ABHD18: variants seen among roughly 807,000 people sequenced by gnomAD.
ABHD18 encodes the protein abhydrolase domain containing 18.
A neutral mutation model predicts 65.9 loss-of-function variants in ABHD18; 55 were observed. The ratio of observed to expected loss-of-function variants is 0.84; its 90% CI spans 0.67 to 1.05. The LOEUF (loss-of-function observed/expected upper bound fraction) is 1.05, where lower values mean the gene tolerates loss of function less well. Among genes scored for constraint, ABHD18 ranks in the 50% least tolerant of loss-of-function variants. The pLI is 0.00. For synonymous variants in ABHD18, 181 were observed against 180.2 expected (o/e 1.00, Z -0.04); for missense variants, 533 against 558.5 (o/e 0.95, Z 0.46).
At chr4:128,030,274 C>T (rs188659510) in intron 11 of ABHD18, among the ~76,000 whole-genome samples, 2 of 152,360 alleles carry the variant, frequency 1.3e-5, no homozygotes, top group East Asian at 3.8e-4. Flanking sequence ...TATACACCTA[C>T]TGTGTACCCA....
chr4:127,976,825 A>G (rs1226769516), intron 1 of ABHD18, among the ~76,000 whole-genome samples: 1 of 152,062 alleles, frequency 6.6e-6, no homozygotes, highest in African/African-American at 2.4e-5. Context: ...GCGGATCACA[A>G]GGTCAGGAGA....
At chr4:128,018,257 G>A (rs1482369969) in intron 8 of ABHD18, among the ~76,000 whole-genome samples, 1 of 152,114 alleles carries the variant, frequency 6.6e-6, no homozygotes, top group Non-Finnish European at 1.5e-5. Context: ...TTGAGGGCCA[G>A]GAATATGCTC....
intron 10 of ABHD18, among the ~76,000 whole-genome samples, chr4:128,024,946 C>T (rs941551245): frequency 2.0e-5 from 3 of 152,090 alleles, no homozygotes; most frequent in South Asian, 2.1e-4. Flanking sequence ...CCCACCTCGG[C>T]CTTCCAAAGT....
intron 10 of ABHD18, among the ~76,000 whole-genome samples, chr4:128,026,011 G>A (rs747922517): frequency 4.6e-5 from 7 of 152,036 alleles, no homozygotes; most frequent in Admixed American, 2.6e-4. Context: ...AAAATTGGCC[G>A]GGCATGGTGG....
Position 128,035,765 on chromosome 4 carries a change from A to C in ABHD18, c.1347A>C (p.Gln449His), listed in dbSNP as rs891342347. 1.8e-5 allele frequency: 28 copies of C among 1,527,804 alleles called. No homozygotes were observed. Among genetic ancestry groups the C allele is most frequent in the Non-Finnish European group, 2.2e-5 (25 of 1,129,856 alleles). 94.6% of individuals were successfully genotyped at this position (1,527,804 alleles called of 1,614,324 possible). ...AYLFKQGLFR[Q>H]AIYDAFDRFL... ...TTTCTTTCATATTTAATTTTAGACA[A>C]GCCATCTATGATGCATTTGACCGCT... is the stretch of plus-strand genomic sequence containing the variant. Residue 449 changes from glutamine to histidine, a missense_variant, in exon 13 of 13, where the codon CAA (glutamine) becomes CAC (histidine). By Grantham distance (24) the Gln-to-His change is conservative. This residue lies in a region of ABHD18 where 220 missense variants were observed against 226.8 expected (regional missense o/e 0.97). Transcript: ENST00000645843.
intron 10 of ABHD18, among the ~76,000 whole-genome samples, chr4:128,021,708 G>A (rs79737208): frequency 1.3e-3 from 191 of 152,178 alleles, no homozygotes; most frequent in Non-Finnish European, 2.2e-3. Flanking sequence ...AGAGAATCAT[G>A]CAAAGCAAAT....
rs1312617118 is a variant in ABHD18 at position 128,039,117 on chromosome 4, T to C, written c.*3304T>C. On this transcript the variant is annotated 3_prime_UTR_variant, in exon 13 of 13. Coordinates refer to ENST00000645843, the MANE Select transcript of ABHD18 (RefSeq NM_001358451.3). The stretch of plus-strand genomic sequence containing the variant: ...GTGTATATATATGTATGTACGTATA[T>C]ATATGTATTATATATACACACATAT... 1 of 144,842 alleles carries C rather than the reference T, an allele frequency of 6.9e-6. No homozygotes were observed. The highest frequency in any genetic ancestry group is 2.5e-5 in the African/African-American group (1 of 39,584). The allele number at this position is 144,842 out of a possible 1,614,324, so 9.0% of individuals were successfully genotyped here. A position where few individuals can be genotyped will look rare whatever the true frequency, so the allele number is the denominator to read the frequency against.
intron 9 of ABHD18, 46 bp from the exon 10 acceptor site, chr4:128,021,091 A>G (rs1272780392): frequency 1.6e-6 from 2 of 1,230,528 alleles, no homozygotes; most frequent in African/African-American, 1.5e-5. Context: ...TATTGGGCAA[A>G]TTGCCTTATG....
In ABHD18 at chr4:128,030,685, G is replaced by A. The variant is rs781196091; in HGVS notation, c.1343+13G>A. On this transcript the variant is annotated intron_variant, in intron 12 of 12. Transcript: ENST00000645843. Reference sequence around the variant, plus strand: ...AAGGACTCTTCAGGTAAGACGGCTGGTCTAAACATGTATTCGTTCATTTGT... The same window carrying A: ...AAGGACTCTTCAGGTAAGACGGCTGATCTAAACATGTATTCGTTCATTTGT... 1 of 1,556,748 alleles carries A rather than the reference G, an allele frequency of 6.4e-7. No homozygotes were observed. The highest frequency in any genetic ancestry group is 2.4e-5 in the East Asian group (1 of 41,170).
intron 4 of ABHD18, among the ~76,000 whole-genome samples, chr4:127,990,671 T>TA (rs1420253672): frequency 6.6e-6 from 1 of 152,178 alleles, no homozygotes; most frequent in Non-Finnish European, 1.5e-5. Context: ...CGTGGTAACT[T>TA]AGACTAGACA....
intron 4 of ABHD18, among the ~76,000 whole-genome samples, chr4:128,004,460 A>AT (rs1005932026): frequency 6.6e-6 from 1 of 152,010 alleles, no homozygotes; most frequent in African/African-American, 2.4e-5. Flanking sequence ...TCAAAAAAAA[A>AT]AGAAAAAAAA....
At chr4:128,022,655 A>G (rs1177573653) in intron 10 of ABHD18, among the ~76,000 whole-genome samples, 1 of 151,946 alleles carries the variant, frequency 6.6e-6, no homozygotes, top group Non-Finnish European at 1.5e-5. Context: ...ATGGTAGTTC[A>G]GTTTGTATAA....
chr4:127,993,617 A>G (rs1751285331), intron 4 of ABHD18, among the ~76,000 whole-genome samples: 9 of 152,214 alleles, frequency 5.9e-5, no homozygotes, highest in Admixed American at 5.9e-4. Context: ...GTTAACCACT[A>G]TTTTATGTAT....
intron 6 of ABHD18, among the ~76,000 whole-genome samples, chr4:128,010,344 A>G (rs555026386): frequency 5.7e-4 from 86 of 152,078 alleles, no homozygotes; most frequent in Admixed American, 2.1e-3. Flanking sequence ...AGCCTGGCCA[A>G]CATGGTGAAA....
At chr4:128,004,730 G>A (rs1269553811) in intron 4 of ABHD18, among the ~76,000 whole-genome samples, 1 of 151,282 alleles carries the variant, frequency 6.6e-6, no homozygotes, top group East Asian at 2.0e-4. Context: ...GGGCAACATG[G>A]CGAAACCTCG....
chr4:127,985,537 A>G (rs1749793849), intron 3 of ABHD18, among the ~76,000 whole-genome samples: 1 of 152,068 alleles, frequency 6.6e-6, no homozygotes, highest in South Asian at 2.1e-4. Flanking sequence ...TTTGCTAAAT[A>G]TTTTTATCTT....
intron 1 of ABHD18, among the ~76,000 whole-genome samples, chr4:127,968,745 C>G (rs1028004150): frequency 6.6e-6 from 1 of 152,126 alleles, no homozygotes; most frequent in African/African-American, 2.4e-5. Flanking sequence ...AAAATAGGTT[C>G]TATTTCTGCA....
chr4:128,001,282 A>T (rs1192353434), intron 4 of ABHD18, among the ~76,000 whole-genome samples: 1 of 152,096 alleles, frequency 6.6e-6, no homozygotes, highest in African/African-American at 2.4e-5. Flanking sequence ...TTTGTCATAG[A>T]TGGCTCTTAT....
At chr4:127,992,194 G>A (rs1412893644) in intron 4 of ABHD18, among the ~76,000 whole-genome samples, 2 of 152,012 alleles carry the variant, frequency 1.3e-5, no homozygotes, top group East Asian at 1.9e-4. Context: ...GAATGAGGCC[G>A]GGCACGGTGT....
Sources: gnomAD v4.1 joint callset for allele counts (sites outside exome capture counted in the v4.1 genomes callset) on GRCh38, gnomAD v4.1.1 for gene constraint, gnomAD v4.1.1 regional missense constraint, MANE v1.5 for transcripts, NCBI Gene and HGNC (gene_info 2026-07-23, HGNC 2026-07-21) for gene names.